Variants in MED30 observed in about 807,000 individuals in gnomAD.
MED30 encodes the protein mediator complex subunit 30.
A neutral mutation model predicts 21.7 loss-of-function variants in MED30; 8 were observed. The observed-to-expected ratio is 0.37, with a 90% CI of 0.22 to 0.67. The LOEUF (loss-of-function observed/expected upper bound fraction) is 0.67, where lower values mean the gene tolerates loss of function less well. Among genes scored for constraint, MED30 ranks in the 30% least tolerant of loss-of-function variants. The pLI is 0.58. For missense variants in MED30, 203 were observed against 228.2 expected (o/e 0.89, Z 0.71); for synonymous variants, 79 against 86.7 (o/e 0.91, Z 0.49).
chr8:117,532,166 C>G (rs1057061174), intron 3 of MED30, among the ~76,000 whole-genome samples: 3 of 151,838 alleles, frequency 2.0e-5, no homozygotes, highest in African/African-American at 7.2e-5. Flanking sequence ...TATAAAAATA[C>G]CAGTCTTGAT....
intron 1 of MED30, chr8:117,523,342 G>T (rs1038309456): frequency 8.0e-6 from 12 of 1,495,470 alleles, no homozygotes; most frequent in African/African-American, 2.8e-5. Context: ...CCCAGTCTCG[G>T]CTTTCTTGTC....
chr8:117,523,257 C>A, intron 1 of MED30: 1 of 1,097,022 alleles, frequency 9.1e-7, no homozygotes, highest in Admixed American at 1.7e-5. Flanking sequence ...ATAATCCTCT[C>A]CAATTTTACT....
Position 117,526,914 on chromosome 8 carries a change from A to G in MED30, c.178-1737A>G, listed in dbSNP as rs541044354. ...CAGTATTTATCAAGAGTTCTTTTAC[A>G]TAATACATCTTAATAAATTTTAAGT... On this transcript the variant is annotated intron_variant, in intron 1 of 3. Coordinates refer to ENST00000297347, the MANE Select transcript of MED30 (RefSeq NM_080651.4). Among the ~76,000 whole-genome samples the G allele has an allele frequency of 2.0e-4, 31 of 152,126 alleles. 1 individual carries two copies. Among genetic ancestry groups the G allele is most frequent in the African/African-American group, 7.0e-4 (29 of 41,558 alleles).
intron 1 of MED30, among the ~76,000 whole-genome samples, chr8:117,525,443 T>C (rs947017842): frequency 6.6e-6 from 1 of 152,012 alleles, no homozygotes; most frequent in African/African-American, 2.4e-5. Context: ...AAAGTTATTT[T>C]TTTCCCTGTC....
At chr8:117,528,458 C>G (rs1341550279) in intron 1 of MED30, among the ~76,000 whole-genome samples, 193 bp from the exon 2 acceptor site, 1 of 151,902 alleles carries the variant, frequency 6.6e-6, no homozygotes, top group Non-Finnish European at 1.5e-5. Context: ...AGCAGTGAAA[C>G]AGGTATGCCA....
In MED30 at chr8:117,528,732, G is replaced by C; in HGVS notation, c.259G>C (p.Val87Leu). Residue 87 changes from valine (V) to leucine (L), a missense_variant, in exon 2 of 4, where the codon GTT becomes CTT. Val to Leu is a conservative substitution (Grantham distance 32, BLOSUM62 1). Transcript: ENST00000297347. ...KLQDNLRQLS[V>L]LFRKLRLVYD... ...ACAGGATAATCTTCGCCAACTTTCA[G>C]TTCTCTTCAGGAAGCTGAGATTGGT... The C allele has an allele frequency of 6.2e-7, 1 of 1,611,490 alleles. No individual in the cohort carries two copies. Among genetic ancestry groups the C allele is most frequent in the Non-Finnish European group, 8.5e-7 (1 of 1,178,600 alleles).
Position 117,520,900 on chromosome 8 carries a change from G to A in MED30, c.24G>A (p.Ala8=), listed in dbSNP as rs780722012. 1.2e-6 allele frequency: 2 copies of A among 1,605,908 alleles called. No individual in the cohort carries two copies. The highest frequency in any genetic ancestry group is 1.7e-6 in the Non-Finnish European group (2 of 1,176,572). Residue 8 remains alanine (A), a synonymous_variant, in exon 1 of 4, where the codon GCG becomes GCA. Transcript: ENST00000297347. ...CCATGTCCACCCCTCCGTTGGCCGC[G>A]TCGGGGATGGCGCCCGGGCCCTTCG... The part of the protein sequence containing the change: MSTPPLA[A]SGMAPGPFAG...
intron 1 of MED30, among the ~76,000 whole-genome samples, chr8:117,527,636 CTTTTTT>C (rs3040826): frequency 1.7e-3 from 220 of 127,602 alleles, no homozygotes; most frequent in Middle Eastern, 4.1e-3. Context: ...TTTTTTCTTT[CTTTTTT>C]TTTTTTTTTT....
intron 1 of MED30, among the ~76,000 whole-genome samples, chr8:117,527,781 G>A (rs1239875454): frequency 6.6e-6 from 1 of 151,502 alleles, no homozygotes; most frequent in South Asian, 2.1e-4. Context: ...ACTAGAAAAC[G>A]TGGTACTGTG....
intron 3 of MED30, among the ~76,000 whole-genome samples, chr8:117,539,560 C>T (rs1359485744): frequency 6.6e-6 from 1 of 152,050 alleles, no homozygotes; most frequent in Admixed American, 6.5e-5. Flanking sequence ...TATGCTGCCC[C>T]TTAGAAAACT....
intron 1 of MED30, among the ~76,000 whole-genome samples, chr8:117,525,064 A>G (rs2130810494): frequency 6.6e-6 from 1 of 152,268 alleles, no homozygotes; most frequent in East Asian, 1.9e-4. Flanking sequence ...ATTTGCACGT[A>G]TACCTGTCGG....
At chr8:117,531,958 C>G (rs540778222) in intron 3 of MED30, among the ~76,000 whole-genome samples, 3 of 151,992 alleles carry the variant, frequency 2.0e-5, no homozygotes, top group Admixed American at 6.6e-5. Context: ...GTAAAAGGGT[C>G]TAAGACAAGA....
At position 117,520,928 on chromosome 8, in the gene MED30, G is replaced by A. The variant is rs1176332373; in HGVS notation, c.52G>A (p.Gly18Arg). Residue 18 changes from glycine to arginine, a missense_variant, in exon 1 of 4, where the codon GGG (glycine) becomes AGG (arginine). Gly to Arg is a moderately radical substitution (Grantham distance 125). Transcript: ENST00000297347. ...ASGMAPGPFA[G>R]PQAQQAAREV... The stretch of plus-strand genomic sequence containing the variant: ...GGGGATGGCGCCCGGGCCCTTCGCC[G>A]GGCCCCAGGCTCAGCAGGCCGCCCG... 2 of 1,610,722 alleles carry A rather than the reference G, an allele frequency of 1.2e-6. No homozygotes were observed. The highest frequency in any genetic ancestry group is 1.7e-6 in the Non-Finnish European group (2 of 1,178,682).
In MED30 at chr8:117,530,784, G is replaced by A. The variant is rs149150946; in HGVS notation, c.398G>A (p.Arg133His). ...AATGATGATCGGGCTGGCCCACCTC[G>A]TTTTGCTAGTGAAGAGAGGCGAGAA... ...SKNDDRAGPP[R>H]FASEERREIA... Residue 133 changes from arginine (R) to histidine (H), a missense_variant, in exon 3 of 4, where the codon CGT (arginine) becomes CAT (histidine). Coordinates refer to ENST00000297347, the MANE Select transcript of MED30 (RefSeq NM_080651.4). The A allele has an allele frequency of 6.1e-5, 98 of 1,612,218 alleles. No individual in the cohort carries two copies. The highest frequency in any genetic ancestry group is 2.9e-4 in the South Asian group (26 of 90,936).
chr8:117,530,332 C>G (rs1409423682), intron 2 of MED30: 1 of 152,770 alleles, frequency 6.5e-6, no homozygotes, highest in Non-Finnish European at 1.5e-5. Context: ...CTACAAATCT[C>G]TTAGGGGCAG....
At chr8:117,523,996 G>A (rs1818680622) in intron 1 of MED30, 3 of 211,740 alleles carry the variant, frequency 1.4e-5, no homozygotes, top group Non-Finnish European at 1.9e-5. Context: ...GCGACAGAGC[G>A]AGACTCTGTC....
intron 1 of MED30, chr8:117,523,356 A>C: frequency 2.0e-6 from 3 of 1,522,252 alleles, no homozygotes; most frequent in East Asian, 4.5e-5. Flanking sequence ...TCTTGTCGGC[A>C]CCAGGGGGCA....
chr8:117,520,812 C>G lies in MED30; in HGVS notation c.-65C>G. On this transcript the variant is annotated 5_prime_UTR_variant, in exon 1 of 4. Coordinates refer to ENST00000297347, the MANE Select transcript of MED30 (RefSeq NM_080651.4). ...CCAACGCTGAGGCCCCACAGCCTCC[C>G]AATTCCGGGCAGACCCCTGACACCT... The G allele has an allele frequency of 6.9e-7, 1 of 1,452,220 alleles. No individual in the cohort carries two copies. Among genetic ancestry groups the G allele is most frequent in the Non-Finnish European group, 9.2e-7 (1 of 1,092,384 alleles). 90.0% of individuals were successfully genotyped at this position (1,452,220 alleles called of 1,614,324 possible).
At chr8:117,521,137 AT>A (rs1818609901) in intron 1 of MED30, 84 bp downstream of exon 1, 1 of 1,367,660 alleles carries the variant, frequency 7.3e-7, no homozygotes, top group African/African-American at 1.5e-5. Flanking sequence ...GGGCCCGTGG[AT>A]GTCATCGGGG....
Sources: gnomAD v4.1 joint callset for allele counts (sites outside exome capture counted in the v4.1 genomes callset) on GRCh38, gnomAD v4.1.1 for gene constraint, MANE v1.5 for transcripts, NCBI Gene and HGNC (gene_info 2026-07-23, HGNC 2026-07-21) for gene names.